The following CDC42BPB variants were observed in gnomAD, a reference collection of about 807,000 sequenced individuals.
The protein encoded by CDC42BPB is serine/threonine-protein kinase MRCK beta.
CDC42BPB carries 37 observed loss-of-function variants against 214.9 expected under a neutral mutation model. The ratio of observed to expected loss-of-function variants is 0.17; its 90% CI spans 0.13 to 0.23. CDC42BPB has a LOEUF of 0.23. CDC42BPB is among the 10% of genes least tolerant of loss of function. CDC42BPB has a pLI of 1.00. For synonymous variants in CDC42BPB, 931 were observed against 884.0 expected (o/e 1.05, Z -0.94); for missense variants, 1,694 against 2,227.0 (o/e 0.76, Z 4.82).
chr14:103,020,938 G>C (rs1237056959), intron 1 of CDC42BPB, among the ~76,000 whole-genome samples: 1 of 152,216 alleles, frequency 6.6e-6, no homozygotes, highest in East Asian at 1.9e-4. Flanking sequence ...TACTGCCTTT[G>C]CAAGGAGCCA....
At chr14:102,949,056 T>G (rs542474723) in intron 26 of CDC42BPB, among the ~76,000 whole-genome samples, 1 of 152,284 alleles carries the variant, frequency 6.6e-6, no homozygotes, top group East Asian at 1.9e-4. Flanking sequence ...CAGTCCCGTG[T>G]GCACCACACA....
intron 1 of CDC42BPB, chr14:103,041,679 C>T (rs895560270): frequency 3.1e-5 from 17 of 555,450 alleles, no homozygotes; most frequent in Middle Eastern, 9.9e-4. Flanking sequence ...AGGTGCGCAC[C>T]GGCCGCAGCT....
chr14:102,968,298 C>A lies in CDC42BPB; in HGVS notation c.2301G>T (p.Ala767=), dbSNP rs749276716. ...GCTTCTTGTTTTCATCAAACAGCATCGCTCTTTCTCGTTCGTATTTATCTT... is the reference window on the plus strand; with the variant it reads ...GCTTCTTGTTTTCATCAAACAGCATAGCTCTTTCTCGTTCGTATTTATCTT... ...TIKDKYERER[A]MLFDENKKLT... Residue 767 remains alanine (A), a synonymous_variant, in exon 16 of 37, where the codon GCG becomes GCT. Transcript: ENST00000361246. The A allele has an allele frequency of 7.4e-6, 12 of 1,613,904 alleles. No homozygotes were observed. The highest frequency in any genetic ancestry group is 1.0e-5 in the Non-Finnish European group (12 of 1,179,992).
intron 2 of CDC42BPB, 57 bp downstream of exon 2, chr14:103,012,040 G>A (rs1886187731): frequency 9.4e-7 from 1 of 1,067,112 alleles, no homozygotes. Flanking sequence ...AGGTGAAATG[G>A]AAGCTGCTGA....
chr14:103,025,046 G>C (rs1343124804), intron 1 of CDC42BPB, among the ~76,000 whole-genome samples: 2 of 152,184 alleles, frequency 1.3e-5, no homozygotes, highest in Non-Finnish European at 2.9e-5. Context: ...TTGTGTCACT[G>C]CTGTGAATTC....
At chr14:102,986,726 G>C in intron 5 of CDC42BPB, 146 bp from the exon 6 acceptor site, 1 of 1,347,806 alleles carries the variant, frequency 7.4e-7, no homozygotes, top group Non-Finnish European at 9.5e-7. Context: ...GCCTCTGTGT[G>C]ACATTCAGCT....
At chr14:103,056,911 C>CGGGCG in intron 1 of CDC42BPB, 88 bp downstream of exon 1, 1 of 786,818 alleles carries the variant, frequency 1.3e-6, no homozygotes, top group Non-Finnish European at 1.6e-6. Flanking sequence ...AGGGTCTGTC[C>CGGGCG]GGGCGGGGAT....
intron 21 of CDC42BPB, 108 bp downstream of exon 21, chr14:102,959,523 T>C: frequency 1.4e-6 from 1 of 723,982 alleles, no homozygotes; most frequent in Admixed American, 2.8e-5. Flanking sequence ...ACACTGAATG[T>C]ATATTTACTG....
Position 102,964,400 on chromosome 14 carries a change from C to G in CDC42BPB, c.2726+102G>C. On this transcript the variant is annotated intron_variant, in intron 19 of 36. Coordinates refer to ENST00000361246, the MANE Select transcript of CDC42BPB (RefSeq NM_006035.4). ...AAGGCTCCAGCAAACGCCGTGGCCC[C>G]GATTTTCCAGGCGAGGAGCATCGGA... 2.1e-6 allele frequency: 3 copies of G among 1,427,318 alleles called. No homozygotes were observed. In the Admixed American group the frequency reaches 6.6e-5, roughly 32 times the overall value. 88.4% of individuals were successfully genotyped at this position (1,427,318 alleles called of 1,614,324 possible).
intron 5 of CDC42BPB, among the ~76,000 whole-genome samples, chr14:102,993,375 A>G (rs1018146286): frequency 6.6e-6 from 1 of 152,186 alleles, no homozygotes; most frequent in Non-Finnish European, 1.5e-5. Context: ...GCCGCTCCAC[A>G]TGGGATGCGA....
intron 28 of CDC42BPB, 129 bp from the exon 29 acceptor site, chr14:102,945,853 G>A: frequency 2.7e-6 from 2 of 747,328 alleles, no homozygotes; most frequent in East Asian, 5.4e-5. Flanking sequence ...AGCATTCCAG[G>A]GATGTGACAC....
At chr14:102,952,431 C>G (rs1892531373) in intron 24 of CDC42BPB, 67 bp downstream of exon 24, 1 of 982,670 alleles carries the variant, frequency 1.0e-6, no homozygotes, top group South Asian at 1.4e-5. Context: ...CTGGAGCCGG[C>G]TGGTGCCCTT....
intron 16 of CDC42BPB, among the ~76,000 whole-genome samples, chr14:102,967,736 C>G (rs34389765): frequency 0.014 from 2,145 of 152,330 alleles, 21 homozygotes; most frequent in Non-Finnish European, 0.023. Flanking sequence ...TACGGGACGC[C>G]TGTTGTACAC....
At chr14:102,938,496 T>C in intron 34 of CDC42BPB, 85 bp from the exon 35 acceptor site, 2 of 1,480,508 alleles carry the variant, frequency 1.4e-6, no homozygotes, top group South Asian at 2.8e-5. Context: ...ACGGTGGCTG[T>C]GGCCTCGTGA....
intron 1 of CDC42BPB, among the ~76,000 whole-genome samples, chr14:103,026,823 G>A (rs1051971383): frequency 4.6e-5 from 7 of 151,368 alleles, no homozygotes; most frequent in Middle Eastern, 3.4e-3. Flanking sequence ...AGCTGAGATC[G>A]CGCCACTGCA....
chr14:103,020,108 C>A (rs984634731), intron 1 of CDC42BPB, among the ~76,000 whole-genome samples: 5 of 152,368 alleles, frequency 3.3e-5, no homozygotes, highest in African/African-American at 1.2e-4. Context: ...AGAAGCTCTC[C>A]GCCTCCCCCT....
intron 1 of CDC42BPB, among the ~76,000 whole-genome samples, chr14:103,043,559 T>C (rs1325036374): frequency 6.6e-6 from 1 of 152,100 alleles, no homozygotes. Context: ...CAGGGTTCCT[T>C]TGGCGGTGAT....
chr14:102,943,263 C>T lies in CDC42BPB; in HGVS notation c.4408+628G>A, dbSNP rs1346052241. On this transcript the variant is annotated intron_variant, in intron 30 of 36. Coordinates refer to ENST00000361246, the MANE Select transcript of CDC42BPB (RefSeq NM_006035.4). This position sits in a 1 kb window ranked among gnomAD's most constrained non-coding sequence, Gnocchi z 4.6. ...TGCTGGGATTACAGGTGTGAGCCAC[C>T]GCTCTCCACCCGGTTTAAGGTTTTA... 2.6e-5 allele frequency among the ~76,000 whole-genome samples: 4 copies of T among 152,236 alleles called. No homozygotes were observed. In the East Asian group the frequency reaches 5.8e-4, roughly 22 times the overall value.
At chr14:103,039,292 CAAAA>C (rs202028122) in intron 1 of CDC42BPB, among the ~76,000 whole-genome samples, 3 of 70,634 alleles carry the variant, frequency 4.2e-5, no homozygotes, top group South Asian at 5.3e-4. Flanking sequence ...GATACCAAAC[CAAAA>C]AAAAAAAAAA....
Sources: gnomAD v4.1 joint callset for allele counts (sites outside exome capture counted in the v4.1 genomes callset) on GRCh38, gnomAD v4.1.1 for gene constraint, Gnocchi (gnomAD v3.1) non-coding constraint, MANE v1.5 for transcripts, NCBI Gene and HGNC (gene_info 2026-07-23, HGNC 2026-07-21) for gene names.